Variants in PASD1 observed in about 807,000 individuals in gnomAD.
PASD1 encodes the protein PAS domain containing repressor 1.
Under a neutral mutation model 58.8 loss-of-function variants are expected in PASD1, and 13 were observed. The ratio of observed to expected loss-of-function variants is 0.22; its 90% CI spans 0.14 to 0.35. PASD1 has a LOEUF of 0.35. PASD1 is among the 10% of genes least tolerant of loss of function. The pLI, the probability that PASD1 is intolerant of heterozygous loss-of-function variation, is 1.00. For missense variants in PASD1, 734 were observed against 568.3 expected, an observed-to-expected ratio of 1.29 and a Z score of -2.96; for synonymous variants, 236 against 216.7, an observed-to-expected ratio of 1.09 and a Z score of -0.78.
In PASD1 at chrX:151,648,669, C is replaced by CGCTGCTGCT. The variant is rs750036801; in HGVS notation, c.700_708dup (p.Ala234_Ala236dup). On this transcript the variant is annotated inframe_insertion, in exon 9 of 16. Transcript: ENST00000370357. ...GCATGAAAGCCGTGTACGTTGAACC[C>CGCTGCTGCT]GCTGCTGCTGCTGCTGCTGCTGCTA... is the stretch of plus-strand genomic sequence containing the variant. The CGCTGCTGCT allele has an allele frequency of 2.5e-6, 3 of 1,209,246 alleles. No individual in the cohort carries two copies. Among genetic ancestry groups the CGCTGCTGCT allele is most frequent in the East Asian group, 3.0e-5 (1 of 33,803 alleles).
At chrX:151,574,824 A>T (rs1454414882) in intron 1 of PASD1, among the ~76,000 whole-genome samples, 2 of 111,708 alleles carry the variant, frequency 1.8e-5, no homozygotes, top group African/African-American at 3.3e-5. Flanking sequence ...TTCTTTTTTT[A>T]TTAAAAAATA....
chrX:151,645,037 G>A (rs1038197103), intron 8 of PASD1, among the ~76,000 whole-genome samples: 4 of 111,430 alleles, frequency 3.6e-5, no homozygotes, highest in Non-Finnish European at 3.8e-5. Flanking sequence ...CTGAGATGCA[G>A]TTGGATTTGA....
At chrX:151,639,409 T>C (rs1354197454) in intron 8 of PASD1, among the ~76,000 whole-genome samples, 1 of 112,341 alleles carries the variant, frequency 8.9e-6, no homozygotes, top group East Asian at 2.8e-4. Context: ...CCTATCCTCA[T>C]AAAACTTGCT....
At position 151,636,586 on chromosome X, in the gene PASD1, T is replaced by C. The variant is rs749738143; in HGVS notation, c.629+11056T>C. ...GCCTGGCTAAATTTTGTATTTTTAGTAGGGATGGGGTTTCACCATGTTGGC... is the reference window on the plus strand; with the variant it reads ...GCCTGGCTAAATTTTGTATTTTTAGCAGGGATGGGGTTTCACCATGTTGGC... On this transcript the variant is annotated intron_variant, in intron 8 of 15. Coordinates refer to ENST00000370357, the MANE Select transcript of PASD1 (RefSeq NM_173493.3). Among the ~76,000 whole-genome samples the C allele has an allele frequency of 3.6e-5, 4 of 110,982 alleles. No homozygotes were observed. The South Asian group carries it at 1.6e-3, about 43-fold the overall frequency.
At chrX:151,577,869 C>T (rs1021763160) in intron 1 of PASD1, among the ~76,000 whole-genome samples, 1 of 111,694 alleles carries the variant, frequency 9.0e-6, no homozygotes, top group African/African-American at 3.3e-5. Context: ...GGTATTTGGG[C>T]AGGCTATGCT....
intron 10 of PASD1, among the ~76,000 whole-genome samples, chrX:151,661,249 A>G (rs1239658379): frequency 8.9e-6 from 1 of 112,366 alleles, no homozygotes; most frequent in Non-Finnish European, 1.9e-5. Context: ...CAGTCTAAAC[A>G]CTGGAAGTAT....
In PASD1 at chrX:151,676,225, G is replaced by A. The variant is rs902781794; in HGVS notation, c.*82G>A. 4.9e-6 allele frequency: 5 copies of A among 1,026,888 alleles called. No individual in the cohort carries two copies. The highest frequency in any genetic ancestry group is 6.6e-6 in the Non-Finnish European group (5 of 754,675). 84.6% of individuals were successfully genotyped at this position (1,026,888 alleles called of 1,213,427 possible). A position where few individuals can be genotyped will look rare whatever the true frequency, so the allele number is the denominator to read the frequency against. ...GTCTGCATGGCCAGGGGACCTTCAAGGTGCGTAAAGTCCCTTGGGGTAGGG... is the reference window on the plus strand; with the variant it reads ...GTCTGCATGGCCAGGGGACCTTCAAAGTGCGTAAAGTCCCTTGGGGTAGGG... On this transcript the variant is annotated 3_prime_UTR_variant, in exon 16 of 16. Transcript: ENST00000370357.
At position 151,656,286 on chromosome X, in the gene PASD1, C is replaced by T. The variant is rs1333781660; in HGVS notation, c.718-3427C>T. ...TGTGGTATAGTTTGAAGTCAGGTAGCATGATGCCTCCAGCTTTGTTCTTTT... is the reference window on the plus strand; with the variant it reads ...TGTGGTATAGTTTGAAGTCAGGTAGTATGATGCCTCCAGCTTTGTTCTTTT... On this transcript the variant is annotated intron_variant, in intron 9 of 15. Coordinates refer to ENST00000370357, the MANE Select transcript of PASD1 (RefSeq NM_173493.3). Among the ~76,000 whole-genome samples the T allele has an allele frequency of 4.5e-5, 5 of 111,771 alleles. No individual in the cohort carries two copies. The East Asian group carries it at 8.4e-4, about 19-fold the overall frequency.
chrX:151,567,802 A>G (rs1038599945), intron 1 of PASD1, among the ~76,000 whole-genome samples: 6 of 111,267 alleles, frequency 5.4e-5, no homozygotes, highest in Non-Finnish European at 1.1e-4. Context: ...GCTCACTGCA[A>G]CCTCTGCCTG....
At position 151,671,191 on chromosome X, in the gene PASD1, C is replaced by T; in HGVS notation, c.1225C>T (p.Leu409Phe). 2 of 1,210,412 alleles carry T rather than the reference C, an allele frequency of 1.7e-6. No individual in the cohort carries two copies. The highest frequency in any genetic ancestry group is 2.2e-6 in the Non-Finnish European group (2 of 894,999). The change falls in exon 12 of 16, where the codon CTT (leucine) becomes TTT (phenylalanine). Residue 409 changes from leucine (L) to phenylalanine (F), a missense_variant. Coordinates refer to ENST00000370357, the MANE Select transcript of PASD1 (RefSeq NM_173493.3). ...TGCATTGGAATTGATGATGGATCACCTTCAGGTCAGTCAGGATGCTAGGTT... is the reference window on the plus strand; with the variant it reads ...TGCATTGGAATTGATGATGGATCACTTTCAGGTCAGTCAGGATGCTAGGTT... ...QNALELMMDH[L>F]QKQPNTLRHV...
At chrX:151,604,113 C>G (rs2013455298) in intron 2 of PASD1, among the ~76,000 whole-genome samples, 1 of 110,962 alleles carries the variant, frequency 9.0e-6, no homozygotes, top group Non-Finnish European at 1.9e-5. Flanking sequence ...ACCAGAAAAC[C>G]CTGAAGAATG....
intron 4 of PASD1, among the ~76,000 whole-genome samples, chrX:151,613,214 A>G (rs1385414767): frequency 5.4e-5 from 6 of 111,538 alleles, no homozygotes; most frequent in African/African-American, 1.6e-4. Context: ...TGTTTTGGTT[A>G]CTGTAGCCTT....
At chrX:151,637,191 G>A (rs1269224217) in intron 8 of PASD1, among the ~76,000 whole-genome samples, 4 of 112,275 alleles carry the variant, frequency 3.6e-5, no homozygotes, top group Non-Finnish European at 7.5e-5. Flanking sequence ...GAATAGTACC[G>A]TGATAAACGT....
intron 10 of PASD1, among the ~76,000 whole-genome samples, 180 bp from the exon 11 acceptor site, chrX:151,663,939 T>C (rs2014341642): frequency 8.9e-6 from 1 of 112,056 alleles, no homozygotes; most frequent in South Asian, 3.8e-4. Context: ...CTTCAAACAC[T>C]CTCTCCCTTT....
intron 1 of PASD1, chrX:151,578,346 A>C (rs933385518): frequency 8.9e-6 from 1 of 112,454 alleles, no homozygotes; most frequent in Non-Finnish European, 1.9e-5. Flanking sequence ...TGTTACCTGT[A>C]TGATACCATT....
chrX:151,613,318 T>C lies in PASD1; in HGVS notation c.207+1565T>C, dbSNP rs184036410. Among the ~76,000 whole-genome samples the C allele has an allele frequency of 7.7e-3, 849 of 109,965 alleles. 11 individuals carry two copies. Among genetic ancestry groups the C allele is most frequent in the African/African-American group, 0.027 (816 of 29,874 alleles). On this transcript the variant is annotated intron_variant, in intron 4 of 15. Coordinates refer to ENST00000370357, the MANE Select transcript of PASD1 (RefSeq NM_173493.3). ...CAATGTGGGCTCTTTTTTGGTTCCA[T>C]ATGAACTTTAAAGTAGTTTTTTCCA... is the stretch of plus-strand genomic sequence containing the variant.
At chrX:151,664,546 A>G (rs928097508) in intron 11 of PASD1, among the ~76,000 whole-genome samples, 198 bp downstream of exon 11, 2 of 112,409 alleles carry the variant, frequency 1.8e-5, no homozygotes, top group Non-Finnish European at 3.8e-5. Flanking sequence ...AAACAGGGAG[A>G]TTGGAGGTTC....
rs761178527 is a variant in PASD1 at position 151,621,034 on chromosome X, G to A, written c.307+5G>A. 4.5e-5 allele frequency: 51 copies of A among 1,142,130 alleles called. 1 individual carries two copies. In the South Asian group the frequency reaches 9.8e-4, roughly 22 times the overall value. The allele number at this position is 1,142,130 out of a possible 1,213,427, so 94.1% of individuals were successfully genotyped here. A position where few individuals can be genotyped will look rare whatever the true frequency, so the allele number is the denominator to read the frequency against. ...AATTTCCTTTACTAAACTCAGGTAT[G>A]TATATTTTTAAAAGTAGTAAATTCT... On this transcript the variant is annotated splice_donor_5th_base_variant and intron_variant, in intron 5 of 15. Transcript: ENST00000370357.
In PASD1 at chrX:151,672,236, G is replaced by A; in HGVS notation, c.1491G>A (p.Arg497=). 8.6e-7 allele frequency: 1 copy of A among 1,156,622 alleles called. No individual in the cohort carries two copies. Among genetic ancestry groups the A allele is most frequent in the Non-Finnish European group, 1.2e-6 (1 of 865,640 alleles). Reference sequence around the variant, plus strand: ...TGAAGGAGCAGCAGCGGCAGCTGCGGGAGCAGCTGCAACAGCTGAGAGAGC... The same window carrying A: ...TGAAGGAGCAGCAGCGGCAGCTGCGAGAGCAGCTGCAACAGCTGAGAGAGC... ...QHLKEQQRQL[R]EQLQQLREQR... is the part of the protein sequence containing the mutation. The change falls in exon 14 of 16, where the codon CGG becomes CGA. Residue 497 remains arginine, a synonymous_variant. Coordinates refer to ENST00000370357, the MANE Select transcript of PASD1 (RefSeq NM_173493.3).
Sources: allele counts gnomAD v4.1 joint callset (sites outside exome capture counted in the v4.1 genomes callset), GRCh38; gene constraint gnomAD v4.1.1; transcripts MANE v1.5; gene names NCBI Gene and HGNC (gene_info 2026-07-23, HGNC 2026-07-21).